SLC24A3: variants seen among roughly 807,000 people sequenced by gnomAD.
The protein encoded by SLC24A3 is solute carrier family 24 member 3.
SLC24A3 carries 28 observed loss-of-function variants against 75.8 expected under a neutral mutation model. The observed-to-expected ratio is 0.37, with a 90% CI of 0.27 to 0.51. The LOEUF (loss-of-function observed/expected upper bound fraction) is 0.51, where lower values mean the gene tolerates loss of function less well. Ranked by LOEUF, SLC24A3 falls within the 20% of genes least tolerant of loss-of-function variation. SLC24A3 has a pLI of 0.94. For missense variants in SLC24A3, 663 were observed against 847.8 expected (o/e 0.78, Z 2.71); for synonymous variants, 372 against 334.1 (o/e 1.11, Z -1.24).
At chr20:19,527,639 A>G (rs907572752) in intron 3 of SLC24A3, among the ~76,000 whole-genome samples, 1 of 152,200 alleles carries the variant, frequency 6.6e-6, no homozygotes, top group Non-Finnish European at 1.5e-5. Context: ...CTGTCTCTCT[A>G]AGAGGTCCAG....
At chr20:19,631,822 G>GTGTGTGTGTA in intron 6 of SLC24A3, among the ~76,000 whole-genome samples, 1 of 148,628 alleles carries the variant, frequency 6.7e-6, no homozygotes, top group East Asian at 1.9e-4. Context: ...GTGTGTGTGT[G>GTGTGTGTGTA]TATGTAACCA....
chr20:19,302,803 C>A (rs1984225837), intron 2 of SLC24A3, among the ~76,000 whole-genome samples: 1 of 152,094 alleles, frequency 6.6e-6, no homozygotes, highest in African/African-American at 2.4e-5. Flanking sequence ...AGTATTCCAC[C>A]TTATCACTTG....
rs145568172 is a variant in SLC24A3 at position 19,464,517 on chromosome 20, A to G, written c.272-50971A>G. Among the ~76,000 whole-genome samples, 212 of 152,358 alleles carry G rather than the reference A, an allele frequency of 1.4e-3. No individual in the cohort carries two copies. The Middle Eastern group carries it at 0.027, about 20-fold the overall frequency. The stretch of plus-strand genomic sequence containing the variant: ...AGTCAATTGGGTAAGGAATGATCAC[A>G]TAAAACTCTCTCTGCTTTAGATCAC... On this transcript the variant is annotated intron_variant, in intron 2 of 16. Transcript: ENST00000328041.
intron 2 of SLC24A3, among the ~76,000 whole-genome samples, chr20:19,357,742 C>T (rs568977731): frequency 6.6e-6 from 1 of 152,316 alleles, no homozygotes; most frequent in South Asian, 2.1e-4. Context: ...TGTGTTGGGG[C>T]ATGGCCAGCC....
At chr20:19,466,694 G>A (rs1450181697) in intron 2 of SLC24A3, among the ~76,000 whole-genome samples, 2 of 146,046 alleles carry the variant, frequency 1.4e-5, no homozygotes, top group Non-Finnish European at 2.9e-5. Flanking sequence ...GTTTCTGAGG[G>A]TGGTAAAAGG....
chr20:19,663,416 CTCCTCCTCCTCCTCCTCCGCCTTCTCA>C (rs1331613866), intron 7 of SLC24A3, among the ~76,000 whole-genome samples: 1 of 73,186 alleles, frequency 1.4e-5, no homozygotes, highest in Non-Finnish European at 2.5e-5. Flanking sequence ...CCACCTCCTC[CTCCTCCTCCTCCTCCTCCGCCTTCTCA>C]TCCTCCTCCA....
In SLC24A3 at chr20:19,696,015, C is replaced by CTTTTTTTTTTTTTTTTTTTTTTT. The variant is rs778046824; in HGVS notation, c.1492-764_1492-763insTTTTTTTTTTTTTTTTTTTTTTT. Among the ~76,000 whole-genome samples the CTTTTTTTTTTTTTTTTTTTTTTT allele has an allele frequency of 9.3e-5, 10 of 108,074 alleles. 1 individual carries two copies. Among genetic ancestry groups the CTTTTTTTTTTTTTTTTTTTTTTT allele is most frequent in the Admixed American group, 3.5e-4 (3 of 8,518 alleles). The allele number at this position is 108,074 out of a possible 152,430, so 70.9% of individuals were successfully genotyped here. ...ATGGCTTTCCCCTTTTTTTCCTTTT[C>CTTTTTTTTTTTTTTTTTTTTTTT]TTTTTTTTTTTTTTTTTTGTGAGAC... On this transcript the variant is annotated intron_variant, in intron 13 of 16. Transcript: ENST00000328041.
rs1196293226 is a variant in SLC24A3 at position 19,260,932 on chromosome 20, C to A, written c.143-20027C>A. Among the ~76,000 whole-genome samples, 4 of 152,124 alleles carry A rather than the reference C, an allele frequency of 2.6e-5. No individual in the cohort carries two copies. The East Asian group carries it at 7.7e-4, about 29-fold the overall frequency. On this transcript the variant is annotated intron_variant, in intron 1 of 16. Transcript: ENST00000328041. Reference sequence around the variant, plus strand: ...GTCATTGGAGAGGATGGGATCAGGTCGAGTCACAGATTCAATGTGTTTCTA... The same window carrying A: ...GTCATTGGAGAGGATGGGATCAGGTAGAGTCACAGATTCAATGTGTTTCTA...
At chr20:19,525,699 G>A (rs990430182) in intron 3 of SLC24A3, among the ~76,000 whole-genome samples, 23 of 152,124 alleles carry the variant, frequency 1.5e-4, no homozygotes, top group African/African-American at 5.6e-4. Context: ...GAGAGTGGCC[G>A]AGGACGAGGA....
chr20:19,589,184 GAAGGAAGGC>G (rs1243524431), intron 6 of SLC24A3, among the ~76,000 whole-genome samples: 1 of 152,364 alleles, frequency 6.6e-6, no homozygotes, highest in South Asian at 2.1e-4. Flanking sequence ...GGACAGTGTG[GAAGGAAGGC>G]AAGGAAGAGA....
At chr20:19,322,942 C>T (rs892320778) in intron 2 of SLC24A3, among the ~76,000 whole-genome samples, 14 of 152,114 alleles carry the variant, frequency 9.2e-5, no homozygotes, top group African/African-American at 2.9e-4. Context: ...CGCGGTGGCT[C>T]ACGCCTGTAA....
intron 1 of SLC24A3, among the ~76,000 whole-genome samples, chr20:19,238,333 G>A (rs1467700931): frequency 1.3e-5 from 2 of 152,202 alleles, no homozygotes; most frequent in African/African-American, 4.8e-5. Context: ...ATTCATTATT[G>A]TTGCCGTTCA....
chr20:19,284,184 C>A (rs925022996), intron 2 of SLC24A3: 1 of 153,070 alleles, frequency 6.5e-6, no homozygotes, highest in Admixed American at 6.5e-5. Flanking sequence ...CTGGACTGGA[C>A]AGATATTTTA....
At chr20:19,532,022 G>T (rs1232030253) in intron 3 of SLC24A3, among the ~76,000 whole-genome samples, 1 of 152,220 alleles carries the variant, frequency 6.6e-6, no homozygotes, top group African/African-American at 2.4e-5. Flanking sequence ...TGGAACTGGG[G>T]GTTGACTCCA....
intron 2 of SLC24A3, among the ~76,000 whole-genome samples, chr20:19,511,294 C>T (rs1600259573): frequency 6.6e-6 from 1 of 152,052 alleles, no homozygotes; most frequent in South Asian, 2.1e-4. Flanking sequence ...GGAAGACTCA[C>T]CTCTCACAGG....
At chr20:19,493,130 A>C (rs73275281) in intron 2 of SLC24A3, among the ~76,000 whole-genome samples, 3,986 of 152,350 alleles carry the variant, frequency 0.026, 193 homozygotes, top group African/African-American at 0.089. Flanking sequence ...GACAGGAATC[A>C]GTGCAAGCCG....
At chr20:19,584,451 C>T (rs551054534) in intron 4 of SLC24A3, among the ~76,000 whole-genome samples, 17 of 152,262 alleles carry the variant, frequency 1.1e-4, no homozygotes, top group Admixed American at 8.5e-4. Context: ...AGCATAGTAT[C>T]ACAAAAATCA....
At chr20:19,518,040 T>C (rs1190008652) in intron 3 of SLC24A3, among the ~76,000 whole-genome samples, 1 of 152,210 alleles carries the variant, frequency 6.6e-6, no homozygotes, top group African/African-American at 2.4e-5. Context: ...AGTTGGACAG[T>C]CACTTTTTGT....
At chr20:19,232,911 G>A (rs1982063248) in intron 1 of SLC24A3, among the ~76,000 whole-genome samples, 1 of 152,132 alleles carries the variant, frequency 6.6e-6, no homozygotes, top group South Asian at 2.1e-4. Flanking sequence ...TAGTATGAAC[G>A]GGACAATGAT....
Sources: allele counts gnomAD v4.1 joint callset (sites outside exome capture counted in the v4.1 genomes callset), GRCh38; gene constraint gnomAD v4.1.1; transcripts MANE v1.5; gene names NCBI Gene and HGNC (gene_info 2026-07-23, HGNC 2026-07-21).